INSR: variants seen among roughly 807,000 people sequenced by gnomAD.
The protein encoded by INSR is IR.
Under a neutral mutation model 142.6 loss-of-function variants are expected in INSR, and 67 were observed. The ratio of observed to expected loss-of-function variants is 0.47; its 90% CI spans 0.39 to 0.58. The LOEUF (loss-of-function observed/expected upper bound fraction) is 0.58, where lower values mean the gene tolerates loss of function less well. Ranked by LOEUF, INSR falls within the 20% of genes least tolerant of loss-of-function variation. The pLI, the probability that INSR is intolerant of heterozygous loss-of-function variation, is 0.00. For synonymous variants in INSR, 756 were observed against 743.1 expected (o/e 1.02, Z -0.28); for missense variants, 1,248 against 1,833.2 (o/e 0.68, Z 5.83).
intron 9 of INSR, among the ~76,000 whole-genome samples, chr19:7,157,424 A>ATT (rs56136465): frequency 0.1 from 11,938 of 115,054 alleles, 1,943 homozygotes; most frequent in East Asian, 0.23. Context: ...CGATTTTTGT[A>ATT]TTTTTTTTTT....
intron 2 of INSR, among the ~76,000 whole-genome samples, chr19:7,238,296 G>GTC (rs1484019847): frequency 1.3e-5 from 2 of 152,102 alleles, no homozygotes; most frequent in African/African-American, 4.8e-5. Flanking sequence ...TCCACGGGCA[G>GTC]GAGATGGACT....
chr19:7,205,628 T>G (rs1479821076), intron 2 of INSR, among the ~76,000 whole-genome samples: 1 of 152,100 alleles, frequency 6.6e-6, no homozygotes, highest in Non-Finnish European at 1.5e-5. Context: ...ATCCCGATAC[T>G]TTGGGAGGCT....
intron 1 of INSR, among the ~76,000 whole-genome samples, chr19:7,292,619 C>G (rs1968527896): frequency 6.6e-6 from 1 of 152,166 alleles, no homozygotes; most frequent in African/African-American, 2.4e-5. Flanking sequence ...CCTCCCTGAC[C>G]CCTTCCTCAT....
Position 7,115,458 on chromosome 19 carries a change from G to C in INSR, c.*1598C>G, listed in dbSNP as rs1031195329. On this transcript the variant is annotated 3_prime_UTR_variant, in exon 22 of 22. Transcript: ENST00000302850. Reference sequence around the variant, plus strand: ...CAGGCACCACACCTGGCCCAGATGAGGTCACCGGGCTCAGAGCAGCTTCCG... The same window carrying C: ...CAGGCACCACACCTGGCCCAGATGACGTCACCGGGCTCAGAGCAGCTTCCG... 6.6e-6 allele frequency: 1 copy of C among 152,220 alleles called. No homozygotes were observed. Among genetic ancestry groups the C allele is most frequent in the South Asian group, 2.1e-4 (1 of 4,826 alleles). 9.4% of individuals were successfully genotyped at this position (152,220 alleles called of 1,614,324 possible). A position where few individuals can be genotyped will look rare whatever the true frequency, so the allele number is the denominator to read the frequency against.
intron 1 of INSR, among the ~76,000 whole-genome samples, chr19:7,269,038 C>CCACACACCCACACACA (rs1555690139): frequency 6.8e-6 from 1 of 146,852 alleles, no homozygotes; most frequent in African/African-American, 2.5e-5. Flanking sequence ...ACCCACACAC[C>CCACACACCCACACACA]CACACACACA....
At chr19:7,124,540 GGA>G (rs1972576296) in intron 17 of INSR, among the ~76,000 whole-genome samples, 1 of 10,810 alleles carries the variant, frequency 9.3e-5, no homozygotes, top group African/African-American at 3.9e-4. Context: ...CTCCGTTTCA[GGA>G]AAAAAAAAAA....
At position 7,214,329 on chromosome 19, in the gene INSR, C is replaced by T. The variant is rs374600904; in HGVS notation, c.653-29692G>A. Among the ~76,000 whole-genome samples, 17 of 152,278 alleles carry T rather than the reference C, an allele frequency of 1.1e-4. No individual in the cohort carries two copies. The East Asian group carries it at 1.7e-3, about 16-fold the overall frequency. ...TGTGCTGGCCCTCCATAAACATTTG[C>T]TGAACAAATAAACCCATGATGGAAG... On this transcript the variant is annotated intron_variant, in intron 2 of 21. Transcript: ENST00000302850.
intron 11 of INSR, among the ~76,000 whole-genome samples, chr19:7,147,198 A>G (rs1472662509): frequency 6.6e-6 from 1 of 151,452 alleles, no homozygotes; most frequent in African/African-American, 2.4e-5. Context: ...TTTTTTAGAC[A>G]GAGTCTCGCT....
chr19:7,162,592 C>A, intron 9 of INSR, among the ~76,000 whole-genome samples: 1 of 151,472 alleles, frequency 6.6e-6, no homozygotes, highest in African/African-American at 2.4e-5. Flanking sequence ...GGGTGGATCA[C>A]CTGAGGTCAC....
At chr19:7,167,314 T>C (rs1973910478) in intron 7 of INSR, among the ~76,000 whole-genome samples, 2 of 152,008 alleles carry the variant, frequency 1.3e-5, no homozygotes, top group African/African-American at 2.4e-5. Context: ...CGGTGGCTCA[T>C]GCCTGTAATC....
Position 7,122,994 on chromosome 19 carries a change from A to G in INSR, c.3259-5T>C, listed in dbSNP as rs2144806054. On this transcript the variant is annotated splice_polypyrimidine_tract_variant and splice_region_variant and intron_variant, in intron 17 of 21. Coordinates refer to ENST00000302850, the MANE Select transcript of INSR (RefSeq NM_000208.4). The stretch of plus-strand genomic sequence containing the variant: ...CACCACTCCCAGGAGGCGCACCTGC[A>G]GAGCAAGCAACCAGGGTTCTTGGAG... 1.3e-6 allele frequency: 2 copies of G among 1,589,580 alleles called. No individual in the cohort carries two copies. Among genetic ancestry groups the G allele is most frequent in the Non-Finnish European group, 1.7e-6 (2 of 1,168,180 alleles).
Position 7,271,643 on chromosome 19 carries a change from G to T in INSR, c.101-3747C>A, listed in dbSNP as rs140912722. Among the ~76,000 whole-genome samples, 682 of 152,224 alleles carry T rather than the reference G, an allele frequency of 4.5e-3. 6 individuals are homozygous for T. Among genetic ancestry groups the T allele is most frequent in the African/African-American group, 0.015 (639 of 41,524 alleles). ...TATGACCTGGCAATTCCACTCCTAG[G>T]TAACTACCTAAGAGAAATGATACTA... On this transcript the variant is annotated intron_variant, in intron 1 of 21. Transcript: ENST00000302850.
chr19:7,207,946 G>GAAGGAAGGAAGGAAGGA, intron 2 of INSR, among the ~76,000 whole-genome samples: 1 of 54,956 alleles, frequency 1.8e-5, no homozygotes, highest in South Asian at 7.5e-4. Flanking sequence ...GGAAGGGAAG[G>GAAGGAAGGAAGGAAGGA]AGGGAGGGAG....
At chr19:7,152,518 T>G (rs956116231) in intron 10 of INSR, 3 of 630,002 alleles carry the variant, frequency 4.8e-6, no homozygotes, top group Non-Finnish European at 8.6e-6. Flanking sequence ...TCCCCTTTTG[T>G]GCGATTATTT....
intron 2 of INSR, among the ~76,000 whole-genome samples, chr19:7,221,099 C>T (rs1975596623): frequency 6.6e-6 from 1 of 152,174 alleles, no homozygotes; most frequent in African/African-American, 2.4e-5. Flanking sequence ...CCAGGCCGAG[C>T]GCAGTGGCTC....
intron 6 of INSR, among the ~76,000 whole-genome samples, chr19:7,169,978 T>A (rs1309109457): frequency 1.3e-5 from 2 of 152,180 alleles, no homozygotes; most frequent in African/African-American, 4.8e-5. Context: ...AGCCACATTA[T>A]CTGGTTTGTG....
intron 1 of INSR, among the ~76,000 whole-genome samples, chr19:7,285,518 C>T (rs1488094388): frequency 6.6e-6 from 1 of 152,020 alleles, no homozygotes; most frequent in Non-Finnish European, 1.5e-5. Flanking sequence ...TGCCTGTAGT[C>T]CCAGCTACTC....
chr19:7,212,190 G>A (rs533947678), intron 2 of INSR, among the ~76,000 whole-genome samples: 19 of 152,250 alleles, frequency 1.2e-4, no homozygotes, highest in African/African-American at 4.6e-4. Flanking sequence ...ACCCTAGGGT[G>A]AGAACCACTT....
intron 2 of INSR, among the ~76,000 whole-genome samples, chr19:7,254,579 G>A (rs1976832489): frequency 6.6e-6 from 1 of 152,044 alleles, no homozygotes; most frequent in Non-Finnish European, 1.5e-5. Flanking sequence ...GGAAGACAGA[G>A]GAAAGGGGAG....
Sources: gnomAD v4.1 joint callset for allele counts (sites outside exome capture counted in the v4.1 genomes callset) on GRCh38, gnomAD v4.1.1 for gene constraint, MANE v1.5 for transcripts, NCBI Gene and HGNC (gene_info 2026-07-23, HGNC 2026-07-21) for gene names.